Variants in LMTK2 observed in about 807,000 individuals in gnomAD.
LMTK2 encodes the protein lemur tail kinase 2, also known as serine/threonine-protein kinase LMTK2.
LMTK2 carries 37 observed loss-of-function variants against 127.5 expected under a neutral mutation model. The ratio of observed to expected loss-of-function variants is 0.29; its 90% CI spans 0.22 to 0.38. The LOEUF is 0.38. Ranked by LOEUF, LMTK2 falls within the 10% of genes least tolerant of loss-of-function variation. The pLI is 1.00. For synonymous variants in LMTK2, 819 were observed against 810.1 expected, an observed-to-expected ratio of 1.01 and a Z score of -0.19; for missense variants, 1,694 against 1,920.3, an observed-to-expected ratio of 0.88 and a Z score of 2.20.
chr7:98,113,170 G>A (rs1796227959), intron 1 of LMTK2, among the ~76,000 whole-genome samples: 1 of 152,166 alleles, frequency 6.6e-6, no homozygotes, highest in Non-Finnish European at 1.5e-5. Context: ...GGAGATAGTT[G>A]AATCATGGGG....
intron 11 of LMTK2, among the ~76,000 whole-genome samples, chr7:98,200,302 T>G (rs1302775684): frequency 6.6e-6 from 1 of 152,190 alleles, no homozygotes; most frequent in African/African-American, 2.4e-5. Flanking sequence ...CCTCAGACAG[T>G]GCAACACATT....
At chr7:98,113,491 C>T (rs1584240140) in intron 1 of LMTK2, among the ~76,000 whole-genome samples, 1 of 151,688 alleles carries the variant, frequency 6.6e-6, no homozygotes, top group East Asian at 2.0e-4. Context: ...AAATTCCTGG[C>T]CTCAAGTGAT....
In LMTK2 at chr7:98,108,856, C is replaced by CTT. The variant is rs11345679; in HGVS notation, c.103+1596_103+1597dup. 6.7e-3 allele frequency among the ~76,000 whole-genome samples: 675 copies of CTT among 100,750 alleles called. 25 individuals are homozygous for CTT. The highest frequency in any genetic ancestry group is 0.015 in the African/African-American group (412 of 27,662). 66.1% of individuals were successfully genotyped at this position (100,750 alleles called of 152,430 possible). ...ATAGGAACCTATGTCTGCCTGCACA[C>CTT]TTTTTTTTTTTTTTTTTTTTTGAGA... On this transcript the variant is annotated intron_variant, in intron 1 of 13. Transcript: ENST00000297293.
intron 8 of LMTK2, among the ~76,000 whole-genome samples, chr7:98,186,334 T>A (rs945706599): frequency 2.0e-5 from 3 of 152,176 alleles, no homozygotes; most frequent in Non-Finnish European, 4.4e-5. Context: ...GTGCTGGGAT[T>A]GCAGGCGTGA....
intron 1 of LMTK2, among the ~76,000 whole-genome samples, chr7:98,127,100 A>G (rs1200767071): frequency 6.6e-6 from 1 of 152,234 alleles, no homozygotes; most frequent in Non-Finnish European, 1.5e-5. Flanking sequence ...TATTATGGCA[A>G]AGAAAACACT....
At chr7:98,138,265 C>T (rs78822740) in intron 2 of LMTK2, among the ~76,000 whole-genome samples, 2,442 of 152,188 alleles carry the variant, frequency 0.016, 54 homozygotes, top group African/African-American at 0.055. Flanking sequence ...CCTGGAGGTC[C>T]AGTGGTTCAA....
At chr7:98,198,705 C>T (rs1797667466) in intron 11 of LMTK2, among the ~76,000 whole-genome samples, 1 of 152,124 alleles carries the variant, frequency 6.6e-6, no homozygotes, top group Non-Finnish European at 1.5e-5. Flanking sequence ...GTCTCGAATT[C>T]CTGAGCTCAG....
At chr7:98,172,704 G>A (rs1797212198) in intron 7 of LMTK2, among the ~76,000 whole-genome samples, 1 of 152,086 alleles carries the variant, frequency 6.6e-6, no homozygotes, top group African/African-American at 2.4e-5. Flanking sequence ...ACCTAAAAAG[G>A]AACACCTGTG....
chr7:98,196,289 TG>T (rs1797621236), intron 11 of LMTK2, among the ~76,000 whole-genome samples: 1 of 151,898 alleles, frequency 6.6e-6, no homozygotes, highest in Non-Finnish European at 1.5e-5. Context: ...ATTCCCCAGG[TG>T]GTTCCTAGGC....
chr7:98,148,385 C>T (rs184935185), intron 3 of LMTK2, among the ~76,000 whole-genome samples: 45 of 151,190 alleles, frequency 3.0e-4, no homozygotes, highest in African/African-American at 9.7e-4. Flanking sequence ...CCCAGCTACT[C>T]GGGAGGCTGA....
intron 7 of LMTK2, 46 bp from the exon 8 acceptor site, chr7:98,185,005 C>A: frequency 7.2e-7 from 1 of 1,380,260 alleles, no homozygotes; most frequent in Non-Finnish European, 1.0e-6. Flanking sequence ...CAGCATGATC[C>A]TGGTTGTTGA....
At chr7:98,186,755 T>A in intron 8 of LMTK2, 122 bp from the exon 9 acceptor site, 1 of 877,432 alleles carries the variant, frequency 1.1e-6, no homozygotes, top group Non-Finnish European at 1.7e-6. Context: ...CATGCCTGCT[T>A]TTTTTTCTGA....
chr7:98,140,350 C>G (rs1200301805), intron 2 of LMTK2, among the ~76,000 whole-genome samples: 1 of 151,688 alleles, frequency 6.6e-6, no homozygotes, highest in African/African-American at 2.4e-5. Context: ...CAGGGTCTTG[C>G]CATGTTGCCC....
chr7:98,122,791 T>C (rs946178684), intron 1 of LMTK2, among the ~76,000 whole-genome samples: 1 of 151,486 alleles, frequency 6.6e-6, no homozygotes, highest in Non-Finnish European at 1.5e-5. Flanking sequence ...AGTGCTGGGC[T>C]TACAGGCTGA....
chr7:98,178,779 T>TTA (rs1374665645), intron 7 of LMTK2, among the ~76,000 whole-genome samples: 1 of 152,246 alleles, frequency 6.6e-6, no homozygotes, highest in Non-Finnish European at 1.5e-5. Context: ...TACAGCACTT[T>TTA]TATGTTTTCA....
At chr7:98,111,760 G>A (rs532599723) in intron 1 of LMTK2, among the ~76,000 whole-genome samples, 5 of 152,324 alleles carry the variant, frequency 3.3e-5, no homozygotes, top group South Asian at 2.1e-4. Flanking sequence ...TGGTAGCTGC[G>A]TAACATGGCA....
In LMTK2 at chr7:98,106,953, G is replaced by T; in HGVS notation, c.-225G>T. 6.5e-6 allele frequency: 3 copies of T among 461,370 alleles called. No homozygotes were observed. The highest frequency in any genetic ancestry group is 1.2e-5 in the Non-Finnish European group (3 of 260,564). 28.6% of individuals were successfully genotyped at this position (461,370 alleles called of 1,614,324 possible). A position where few individuals can be genotyped will look rare whatever the true frequency, so the allele number is the denominator to read the frequency against. Reference sequence around the variant, plus strand: ...GCTGGCGTTGCTGCTGTTGAGAGGCGGCGGCGGCGGCGCAGGCGGGCGGGA... The same window carrying T: ...GCTGGCGTTGCTGCTGTTGAGAGGCTGCGGCGGCGGCGCAGGCGGGCGGGA... On this transcript the variant is annotated 5_prime_UTR_variant, in exon 1 of 14. Coordinates refer to ENST00000297293, the MANE Select transcript of LMTK2 (RefSeq NM_014916.4).
intron 1 of LMTK2, among the ~76,000 whole-genome samples, chr7:98,122,192 T>A (rs898149834): frequency 6.6e-6 from 1 of 152,134 alleles, no homozygotes; most frequent in African/African-American, 2.4e-5. Context: ...TTTGTGGAGG[T>A]CTGGACTCCT....
At chr7:98,108,949 C>G (rs372251759) in intron 1 of LMTK2, among the ~76,000 whole-genome samples, 13 of 151,652 alleles carry the variant, frequency 8.6e-5, no homozygotes, top group East Asian at 3.9e-4. Context: ...TGCAACCCCC[C>G]CCTTCCGAGT....
Sources: allele counts gnomAD v4.1 joint callset (sites outside exome capture counted in the v4.1 genomes callset), GRCh38; gene constraint gnomAD v4.1.1; transcripts MANE v1.5; gene names NCBI Gene and HGNC (gene_info 2026-07-23, HGNC 2026-07-21).